Variants in PODN observed in about 807,000 individuals in gnomAD.
PODN encodes podocan proteoglycan.
Under a neutral mutation model 52.7 loss-of-function variants are expected in PODN, and 40 were observed. That is an observed-to-expected ratio of 0.76 (90% CI 0.59 to 0.99). The LOEUF (loss-of-function observed/expected upper bound fraction) is 0.99. Ranked by LOEUF, PODN falls within the 50% of genes least tolerant of loss-of-function variation. PODN has a pLI of 0.00. For synonymous variants in PODN, 396 were observed against 377.9 expected (o/e 1.05, Z -0.56); for missense variants, 720 against 815.1 (o/e 0.88, Z 1.42).
chr1:53,079,115 G>C (rs1644247321), intron 8 of PODN, 93 bp downstream of exon 8: 5 of 1,394,682 alleles, frequency 3.6e-6, no homozygotes. Context: ...GAGGAGAAGG[G>C]CTGGGTGGTG....
At chr1:53,071,736 G>A in intron 3 of PODN, 108 bp downstream of exon 3, 8 of 1,119,186 alleles carry the variant, frequency 7.1e-6, no homozygotes, top group Non-Finnish European at 1.0e-5. Context: ...ATCTTGGGGT[G>A]TGGATGGAAG....
intron 3 of PODN, among the ~76,000 whole-genome samples, chr1:53,071,839 G>A (rs773051400): frequency 6.6e-6 from 1 of 151,938 alleles, no homozygotes; most frequent in African/African-American, 2.4e-5. Context: ...AACACTACAC[G>A]GATATTTCTT....
At position 53,070,043 on chromosome 1, in the gene PODN, C is replaced by A; in HGVS notation, c.188C>A (p.Pro63Gln). The change falls in exon 2 of 11, where the codon CCA (proline) becomes CAA (glutamine). Residue 63 changes from proline (P) to glutamine (Q), a missense_variant. Pro to Gln is a moderately conservative substitution (Grantham distance 76). Coordinates refer to ENST00000312553, the MANE Select transcript of PODN (RefSeq NM_153703.5). ...VLSPEEPGPG[P>Q]AAVSCPRDCA... ...AGCCCTGAGGAGCCCGGGCCTGGCCCAGCCGCGGTCAGCTGCCCCCGAGAC... is the reference window on the plus strand; with the variant it reads ...AGCCCTGAGGAGCCCGGGCCTGGCCAAGCCGCGGTCAGCTGCCCCCGAGAC... The A allele has an allele frequency of 6.2e-7, 1 of 1,612,970 alleles. No homozygotes were observed. The highest frequency in any genetic ancestry group is 8.5e-7 in the Non-Finnish European group (1 of 1,179,958).
chr1:53,081,885 TC>T (rs897202647), intron 9 of PODN, 95 bp from the exon 10 acceptor site: 2 of 1,495,704 alleles, frequency 1.3e-6, no homozygotes, highest in African/African-American at 2.8e-5. Context: ...GGAGGGCCAT[TC>T]CCTCCCCTGT....
At chr1:53,077,918 A>G in intron 7 of PODN, 118 bp downstream of exon 7, 1 of 754,552 alleles carries the variant, frequency 1.3e-6, no homozygotes, top group Admixed American at 2.7e-5. Context: ...CCTTCCCTGG[A>G]GAAGGAACTT....
At chr1:53,076,110 C>A (rs1644191154) in intron 5 of PODN, 139 bp downstream of exon 5, 2 of 723,080 alleles carry the variant, frequency 2.8e-6, no homozygotes, top group Admixed American at 4.4e-5. Flanking sequence ...CACCCAGGGG[C>A]CCTAACAGAG....
rs781152190 is a variant in PODN at position 53,078,653 on chromosome 1, C to T, written c.1143C>T (p.Arg381=). 4.3e-6 allele frequency: 7 copies of T among 1,612,968 alleles called. No homozygotes were observed. The highest frequency in any genetic ancestry group is 2.2e-5 in the East Asian group (1 of 44,898). Residue 381 remains arginine (R), a synonymous_variant, in exon 8 of 11, where the codon CGC becomes CGT. Coordinates refer to ENST00000312553, the MANE Select transcript of PODN (RefSeq NM_153703.5). ...GCGTGCCCAGTGGCCTGCCTCGCCG[C>T]GTGCGCACCCTCATGATCCTGCACA... ...LERVPSGLPR[R]VRTLMILHNQ... is the part of the protein sequence containing the mutation.
intron 3 of PODN, chr1:53,073,200 A>C (rs751203406): frequency 9.0e-6 from 2 of 221,128 alleles, no homozygotes; most frequent in African/African-American, 2.3e-5. Flanking sequence ...GAACTGCCAC[A>C]TGCATGTGGA....
rs796202331 is a variant in PODN, at chr1:53,077,090, G to A, written c.582-100G>A. ...AACTCTGTACCCTTGAGTTTGGATG[G>A]AAGGAGAGCAGCCTGGGCAAGGGTT... On this transcript the variant is annotated intron_variant, in intron 5 of 10. Transcript: ENST00000312553. 16 of 1,430,048 alleles carry A rather than the reference G, an allele frequency of 1.1e-5. No homozygotes were observed. The African/African-American group carries it at 1.8e-4, about 16-fold the overall frequency. 88.6% of individuals were successfully genotyped at this position (1,430,048 alleles called of 1,614,324 possible).
rs763096886 is a variant in PODN, at chr1:53,082,114, A to AAGGAGG, written c.1803_1808dup (p.Glu610_Glu611dup). 1.2e-6 allele frequency: 2 copies of AAGGAGG among 1,613,424 alleles called. No homozygotes were observed. Among genetic ancestry groups the AAGGAGG allele is most frequent in the East Asian group, 4.5e-5 (2 of 44,816 alleles). The stretch of plus-strand genomic sequence containing the variant: ...GGACCGTGGCCGCTTGGGGAAGGAA[A>AAGGAGG]AGGAGGAGGAGGAAGAGGAGGAGGA... On this transcript the variant is annotated inframe_insertion, in exon 10 of 11. Coordinates refer to ENST00000312553, the MANE Select transcript of PODN (RefSeq NM_153703.5).
intron 5 of PODN, among the ~76,000 whole-genome samples, chr1:53,076,634 C>CAT (rs897375074): frequency 1.3e-5 from 2 of 151,918 alleles, no homozygotes; most frequent in Non-Finnish European, 2.9e-5. Context: ...TCTGGCATCT[C>CAT]ATATATATAT....
Position 53,069,987 on chromosome 1 carries a change from A to T in PODN, c.132A>T (p.Glu44Asp), listed in dbSNP as rs956251177. The change falls in exon 2 of 11, where the codon GAA becomes GAT. Residue 44 changes from glutamate to aspartate, a missense_variant. Glu to Asp is a conservative substitution (Grantham distance 45, BLOSUM62 2). Coordinates refer to ENST00000312553, the MANE Select transcript of PODN (RefSeq NM_153703.5). ...GGHSLSPEEN[E>D]FAEEEPVLVL... Reference sequence around the variant, plus strand: ...ACAGCCTGAGCCCCGAAGAGAACGAATTTGCGGAGGAGGAGCCGGTGCTGG... The same window carrying T: ...ACAGCCTGAGCCCCGAAGAGAACGATTTTGCGGAGGAGGAGCCGGTGCTGG... 10 of 1,611,686 alleles carry T rather than the reference A, an allele frequency of 6.2e-6. No individual in the cohort carries two copies. The highest frequency in any genetic ancestry group is 8.5e-6 in the Non-Finnish European group (10 of 1,179,428).
At chr1:53,084,280 G>A (rs985019630) in intron 10 of PODN, among the ~76,000 whole-genome samples, 6 of 151,946 alleles carry the variant, frequency 3.9e-5, no homozygotes, top group Non-Finnish European at 5.9e-5. Flanking sequence ...CCCATCTCAG[G>A]TCAGTTGAGT....
chr1:53,066,615 TC>T (rs1318465935), intron 1 of PODN, among the ~76,000 whole-genome samples: 5 of 152,004 alleles, frequency 3.3e-5, no homozygotes, highest in African/African-American at 4.8e-5. Context: ...GTCCCCTGCT[TC>T]CTGTCATGCT....
chr1:53,072,347 C>T (rs1370934208), intron 3 of PODN, among the ~76,000 whole-genome samples: 1 of 152,180 alleles, frequency 6.6e-6, no homozygotes, highest in Non-Finnish European at 1.5e-5. Flanking sequence ...TACTATGCAA[C>T]TCTGTCTTAA....
intron 1 of PODN, among the ~76,000 whole-genome samples, chr1:53,066,216 C>A (rs1018439135): frequency 1.3e-5 from 2 of 152,016 alleles, no homozygotes; most frequent in African/African-American, 4.8e-5. Context: ...AGGCTGGTCT[C>A]AAACTCCTGG....
At position 53,076,365 on chromosome 1, in the gene PODN, G is replaced by A. The variant is rs114211154; in HGVS notation, c.581+394G>A. On this transcript the variant is annotated intron_variant, in intron 5 of 10. Transcript: ENST00000312553. ...GAGCCGCCTCCAGGACAGTTTGGGG[G>A]CTGGACAACCCCAGTGCCCTTCCAT... 2.6e-3 allele frequency among the ~76,000 whole-genome samples: 394 copies of A among 152,298 alleles called. 1 individual carries two copies. The highest frequency in any genetic ancestry group is 8.8e-3 in the African/African-American group (365 of 41,562).
intron 4 of PODN, 121 bp downstream of exon 4, chr1:53,074,791 CAGA>C: frequency 1.2e-6 from 1 of 843,362 alleles, no homozygotes; most frequent in Non-Finnish European, 1.9e-6. Context: ...TGTTGCTGCT[CAGA>C]CATGGCCCTG....
chr1:53,072,176 C>G (rs1178202393), intron 3 of PODN, among the ~76,000 whole-genome samples: 1 of 151,736 alleles, frequency 6.6e-6, no homozygotes, highest in Non-Finnish European at 1.5e-5. Context: ...AAAGCATTCA[C>G]TTACCTTTGC....
Sources: gnomAD v4.1 joint callset for allele counts (sites outside exome capture counted in the v4.1 genomes callset) on GRCh38, gnomAD v4.1.1 for gene constraint, MANE v1.5 for transcripts, NCBI Gene and HGNC (gene_info 2026-07-23, HGNC 2026-07-21) for gene names.